MAGI2: variants seen among roughly 807,000 people sequenced by gnomAD.
The protein encoded by MAGI2 is membrane-associated guanylate kinase, WW and PDZ domain-containing protein 2.
Under a neutral mutation model 133.3 loss-of-function variants are expected in MAGI2, and 35 were observed. The observed-to-expected ratio is 0.26, with a 90% CI of 0.20 to 0.35. The LOEUF (loss-of-function observed/expected upper bound fraction) is 0.35. Among genes scored for constraint, MAGI2 ranks in the 10% least tolerant of loss-of-function variants. The pLI is 1.00. For synonymous variants in MAGI2, 729 were observed against 710.6 expected (o/e 1.03, Z -0.41); for missense variants, 1,636 against 1,863.4 (o/e 0.88, Z 2.25).
chr7:79,299,685 A>G (rs1196401180), intron 1 of MAGI2, among the ~76,000 whole-genome samples: 6 of 152,078 alleles, frequency 3.9e-5, no homozygotes, highest in Non-Finnish European at 8.8e-5. Context: ...AACACAAAAA[A>G]CGATAATTGA....
At chr7:79,059,166 G>T (rs1304530860) in intron 1 of MAGI2, among the ~76,000 whole-genome samples, 1 of 151,796 alleles carries the variant, frequency 6.6e-6, no homozygotes. Flanking sequence ...TACAGAAAAG[G>T]ATTCTCAAGT....
intron 1 of MAGI2, among the ~76,000 whole-genome samples, chr7:79,022,228 C>T (rs1046994950): frequency 2.6e-5 from 4 of 152,042 alleles, no homozygotes; most frequent in African/African-American, 4.8e-5. Flanking sequence ...GAAAATCACT[C>T]GAAATAATAC....
intron 1 of MAGI2, chr7:79,353,348 C>G (rs1268577091): frequency 2.4e-6 from 1 of 415,200 alleles, no homozygotes; most frequent in Admixed American, 2.6e-5. Flanking sequence ...ACCACTTTCT[C>G]TTCAGTCATG....
At chr7:78,658,082 T>G (rs932417793) in intron 2 of MAGI2, among the ~76,000 whole-genome samples, 5 of 152,224 alleles carry the variant, frequency 3.3e-5, no homozygotes, top group African/African-American at 4.8e-5. Context: ...TTTAAATATT[T>G]CATAGATTTC....
intron 2 of MAGI2, among the ~76,000 whole-genome samples, chr7:78,723,176 A>G (rs998839655): frequency 3.3e-5 from 5 of 152,126 alleles, no homozygotes; most frequent in Non-Finnish European, 7.4e-5. Context: ...ATATACTTTG[A>G]TTTTTCTTCA....
At chr7:79,228,889 G>A (rs1472361598) in intron 1 of MAGI2, among the ~76,000 whole-genome samples, 1 of 152,098 alleles carries the variant, frequency 6.6e-6, no homozygotes, top group Non-Finnish European at 1.5e-5. Context: ...CGGAGTAGGG[G>A]CAATGGTTTG....
At chr7:79,131,484 C>T (rs17151998) in intron 1 of MAGI2, among the ~76,000 whole-genome samples, 4 of 152,114 alleles carry the variant, frequency 2.6e-5, no homozygotes, top group African/African-American at 9.7e-5. Flanking sequence ...AGTACTTTGA[C>T]ATTCATTATT....
intron 1 of MAGI2, among the ~76,000 whole-genome samples, chr7:79,323,639 G>T (rs1839368374): frequency 6.6e-6 from 1 of 152,144 alleles, no homozygotes; most frequent in African/African-American, 2.4e-5. Flanking sequence ...GCCCCTGAAG[G>T]ATATAAATGG....
At chr7:78,606,079 T>C (rs1405788234) in intron 3 of MAGI2, among the ~76,000 whole-genome samples, 1 of 152,206 alleles carries the variant, frequency 6.6e-6, no homozygotes, top group Admixed American at 6.5e-5. Flanking sequence ...TTGAATGTTC[T>C]GGGGAATCAA....
At chr7:78,628,148 C>A (rs1563263755) in intron 2 of MAGI2, among the ~76,000 whole-genome samples, 1 of 152,208 alleles carries the variant, frequency 6.6e-6, no homozygotes, top group Non-Finnish European at 1.5e-5. Context: ...AGAGCAGAAA[C>A]AGAGACATCT....
At chr7:79,046,475 T>A (rs1014031829) in intron 1 of MAGI2, among the ~76,000 whole-genome samples, 3 of 152,232 alleles carry the variant, frequency 2.0e-5, no homozygotes, top group Admixed American at 2.0e-4. Flanking sequence ...AGTCACCCAG[T>A]TTGGCGCTTT....
At chr7:78,162,541 A>C (rs1416862904) in intron 15 of MAGI2, among the ~76,000 whole-genome samples, 1 of 151,450 alleles carries the variant, frequency 6.6e-6, no homozygotes, top group African/African-American at 2.4e-5. Flanking sequence ...AAAAAACAAA[A>C]AACAAAAACG....
chr7:78,488,865 T>C (rs957424061), intron 6 of MAGI2, among the ~76,000 whole-genome samples: 7 of 152,050 alleles, frequency 4.6e-5, no homozygotes, highest in Non-Finnish European at 1.0e-4. Context: ...TGAGACACTT[T>C]TTTAAAAGTT....
intron 2 of MAGI2, among the ~76,000 whole-genome samples, chr7:78,850,794 T>G (rs969468461): frequency 1.5e-4 from 23 of 152,226 alleles, no homozygotes; most frequent in African/African-American, 5.5e-4. Context: ...GCCAAAGCAC[T>G]GACTGGATTT....
At chr7:78,486,061 C>T (rs1390307646) in intron 6 of MAGI2, 1 of 152,112 alleles carries the variant, frequency 6.6e-6, no homozygotes, top group Non-Finnish European at 1.5e-5. Flanking sequence ...CTTGTTGTGT[C>T]TGGGCTCTTA....
At chr7:79,004,259 T>C (rs1048784268) in intron 2 of MAGI2, among the ~76,000 whole-genome samples, 5 of 152,124 alleles carry the variant, frequency 3.3e-5, no homozygotes, top group African/African-American at 9.7e-5. Flanking sequence ...ATATAGATGA[T>C]GGAATACTCT....
At chr7:79,237,322 G>A (rs557427724) in intron 1 of MAGI2, among the ~76,000 whole-genome samples, 16 of 152,058 alleles carry the variant, frequency 1.1e-4, no homozygotes, top group Non-Finnish European at 2.2e-4. Flanking sequence ...GTGAAACCCC[G>A]TCTCTACTAA....
chr7:78,888,968 T>C (rs1047440708), intron 2 of MAGI2, among the ~76,000 whole-genome samples: 1 of 151,660 alleles, frequency 6.6e-6, no homozygotes, highest in African/African-American at 2.4e-5. Flanking sequence ...GACAAAGAAG[T>C]TAAAAACCTT....
At chr7:78,070,215 A>ATATATATATATC in intron 21 of MAGI2, among the ~76,000 whole-genome samples, 1 of 43,256 alleles carries the variant, frequency 2.3e-5, no homozygotes, top group South Asian at 1.3e-3. Context: ...ATATATATAT[A>ATATATATATATC]TATACACACA....
Sources: allele counts gnomAD v4.1 joint callset (sites outside exome capture counted in the v4.1 genomes callset), GRCh38; gene constraint gnomAD v4.1.1; transcripts MANE v1.5; gene names NCBI Gene and HGNC (gene_info 2026-07-23, HGNC 2026-07-21).